Variants in BEST2 observed in about 807,000 individuals in gnomAD.
The protein encoded by BEST2 is bestrophin 2, also known as bestrophin-2a.
In BEST2, 36 loss-of-function variants were observed where a neutral mutation model predicts 49.0. That is an observed-to-expected ratio of 0.73 (90% CI 0.56 to 0.97). BEST2 has a LOEUF of 0.97. Among genes scored for constraint, BEST2 ranks in the 50% least tolerant of loss-of-function variants. The pLI is 0.00. For synonymous variants in BEST2, 335 were observed against 304.4 expected (o/e 1.10, Z -1.05); for missense variants, 672 against 710.0 (o/e 0.95, Z 0.61).
intron 2 of BEST2, among the ~76,000 whole-genome samples, chr19:12,752,974 G>A (rs1568352030): frequency 6.6e-6 from 1 of 151,514 alleles, no homozygotes; most frequent in Non-Finnish European, 1.5e-5. Flanking sequence ...TCAGCCTCCC[G>A]AGTAGCTGGG....
chr19:12,757,390 C>CTGTT (rs1284315833), intron 9 of BEST2, among the ~76,000 whole-genome samples: 1 of 152,094 alleles, frequency 6.6e-6, no homozygotes, highest in Non-Finnish European at 1.5e-5. Flanking sequence ...CCAGCCTGGG[C>CTGTT]AACAGAGCGA....
chr19:12,757,183 G>A (rs961287793), intron 9 of BEST2, among the ~76,000 whole-genome samples: 5 of 151,920 alleles, frequency 3.3e-5, no homozygotes, highest in African/African-American at 1.2e-4. Context: ...CTCACGCCAA[G>A]GTGGGCAGAT....
Position 12,755,854 on chromosome 19 carries a change from G to C in BEST2, c.868-1G>C, listed in dbSNP as rs748833584. On this transcript the variant is annotated splice_acceptor_variant, in intron 7 of 9. Coordinates refer to ENST00000553030, the MANE Select transcript of BEST2 (RefSeq NM_017682.3). LOFTEE classifies it high-confidence loss of function. The surrounding 1 kb of genome is among the most constrained non-coding windows in gnomAD (Gnocchi z 4.4). ...CACCTAACTGCTCCCTCTCCTCTCA[G>C]GTAGCTGAGCAGCTCATCAACCCCT... 1 of 1,614,044 alleles carries C rather than the reference G, an allele frequency of 6.2e-7. No individual in the cohort carries two copies. The highest frequency in any genetic ancestry group is 1.7e-5 in the Admixed American group (1 of 59,998).
rs775382558 is a variant in BEST2 at position 12,754,850 on chromosome 19, G to A, written c.482-27G>A. The A allele has an allele frequency of 2.5e-6, 4 of 1,602,192 alleles. No homozygotes were observed. In the Admixed American group the frequency reaches 6.9e-5, roughly 28 times the overall value. ...GACCAGGTGGAGGGGGGCAAGGGGCGAGCTATCCCTGACCCCTTTCCTCCA... is the reference window on the plus strand; with the variant it reads ...GACCAGGTGGAGGGGGGCAAGGGGCAAGCTATCCCTGACCCCTTTCCTCCA... On this transcript the variant is annotated intron_variant, in intron 4 of 9. Coordinates refer to ENST00000553030, the MANE Select transcript of BEST2 (RefSeq NM_017682.3).
intron 9 of BEST2, 52 bp downstream of exon 9, chr19:12,756,347 G>C (rs757632073): frequency 2.2e-5 from 35 of 1,589,622 alleles, no homozygotes; most frequent in Middle Eastern, 1.7e-4. Context: ...ATGGCTCTGC[G>C]GGGCACATCT....
chr19:12,757,719 G>T lies in BEST2; in HGVS notation c.1172G>T (p.Gly391Val). 6.5e-7 allele frequency: 1 copy of T among 1,545,248 alleles called. No individual in the cohort carries two copies. The stretch of plus-strand genomic sequence containing the variant: ...GATGGACCGATGGGAGAGGCGCCCG[G>T]CGACTTCCTGCAGCGCCTCCTGCCG... ...GLDGPMGEAP[G>V]DFLQRLLPAG... Residue 391 changes from glycine to valine, a missense_variant, in exon 10 of 10, where the codon GGC (glycine) becomes GTC (valine). Physicochemically the swap from Gly to Val is moderately radical, Grantham distance 109. Transcript: ENST00000553030.
chr19:12,752,944 G>A (rs933013107), intron 2 of BEST2, among the ~76,000 whole-genome samples, 200 bp downstream of exon 2: 1 of 148,904 alleles, frequency 6.7e-6, no homozygotes, highest in African/African-American at 2.5e-5. Flanking sequence ...TGCCTCCCGG[G>A]TTCAAGCGAT....
chr19:12,758,197 G>C lies in BEST2; in HGVS notation c.*120G>C. ...TAAAGTCCACCTACACTTTTGACCAGCTCTCGCTGCCCGCATGTGTTTGGC... is the reference window on the plus strand; with the variant it reads ...TAAAGTCCACCTACACTTTTGACCACCTCTCGCTGCCCGCATGTGTTTGGC... On this transcript the variant is annotated 3_prime_UTR_variant, in exon 10 of 10. Coordinates refer to ENST00000553030, the MANE Select transcript of BEST2 (RefSeq NM_017682.3). 1 of 1,227,778 alleles carries C rather than the reference G, an allele frequency of 8.1e-7. No individual in the cohort carries two copies. The highest frequency in any genetic ancestry group is 1.1e-6 in the Non-Finnish European group (1 of 887,128). 76.1% of individuals were successfully genotyped at this position (1,227,778 alleles called of 1,614,324 possible). A position where few individuals can be genotyped will look rare whatever the true frequency, so the allele number is the denominator to read the frequency against.
Position 12,758,208 on chromosome 19 carries a change from C to A in BEST2, c.*131C>A, listed in dbSNP as rs974551790. 1 of 1,166,972 alleles carries A rather than the reference C, an allele frequency of 8.6e-7. No individual in the cohort carries two copies. Among genetic ancestry groups the A allele is most frequent in the African/African-American group, 1.6e-5 (1 of 64,272 alleles). The allele number at this position is 1,166,972 out of a possible 1,614,324, so 72.3% of individuals were successfully genotyped here. A position where few individuals can be genotyped will look rare whatever the true frequency, so the allele number is the denominator to read the frequency against. On this transcript the variant is annotated 3_prime_UTR_variant, in exon 10 of 10. Coordinates refer to ENST00000553030, the MANE Select transcript of BEST2 (RefSeq NM_017682.3). ...TACACTTTTGACCAGCTCTCGCTGC[C>A]CGCATGTGTTTGGCGCTGTGCTAGG...
At chr19:12,753,795 T>C (rs1275004322) in intron 3 of BEST2, among the ~76,000 whole-genome samples, 1 of 152,148 alleles carries the variant, frequency 6.6e-6, no homozygotes, top group Non-Finnish European at 1.5e-5. Flanking sequence ...GGCTCCCTGA[T>C]GTAGACCCTG....
intron 2 of BEST2, 61 bp from the exon 3 acceptor site, chr19:12,753,199 G>A: frequency 6.4e-7 from 1 of 1,556,012 alleles, no homozygotes; most frequent in Non-Finnish European, 8.9e-7. Flanking sequence ...CAGCAAGAGA[G>A]ATCTGAAGCT....
At chr19:12,757,175 C>A (rs1187201748) in intron 9 of BEST2, among the ~76,000 whole-genome samples, 2 of 150,840 alleles carry the variant, frequency 1.3e-5, no homozygotes, top group African/African-American at 4.9e-5. Context: ...TGCGGTGGCT[C>A]ACGCCAAGGT....
At chr19:12,752,926 T>G (rs1967888646) in intron 2 of BEST2, among the ~76,000 whole-genome samples, 182 bp downstream of exon 2, 1 of 151,774 alleles carries the variant, frequency 6.6e-6, no homozygotes, top group African/African-American at 2.4e-5. Flanking sequence ...TTCTCTTACT[T>G]CCACCTCTGC....
In BEST2 at chr19:12,754,797, G is replaced by A. The variant is rs1198907181; in HGVS notation, c.481+12G>A. ...CGTGGTGGAGGCTGGTGAGTACTCG[G>A]CCAGAGGCAGGGCAGAGACCGGGCA... is the stretch of plus-strand genomic sequence containing the variant. On this transcript the variant is annotated intron_variant, in intron 4 of 9. Coordinates refer to ENST00000553030, the MANE Select transcript of BEST2 (RefSeq NM_017682.3). The A allele has an allele frequency of 3.2e-6, 5 of 1,578,410 alleles. No individual in the cohort carries two copies. Among genetic ancestry groups the A allele is most frequent in the Non-Finnish European group, 4.3e-6 (5 of 1,161,560 alleles).
Position 12,755,137 on chromosome 19 carries a change from C to T in BEST2, c.636+106C>T. ...GCACCCCCACGAGGCCGATTTCAAA[C>T]ACCCTCACCAGGTGCACTCTTACCT... On this transcript the variant is annotated intron_variant, in intron 5 of 9. Transcript: ENST00000553030. This position sits in a 1 kb window ranked among gnomAD's most constrained non-coding sequence, Gnocchi z 4.4. The T allele has an allele frequency of 2.2e-6, 3 of 1,366,824 alleles. No individual in the cohort carries two copies. The highest frequency in any genetic ancestry group is 2.9e-6 in the Non-Finnish European group (3 of 1,019,850). The allele number at this position is 1,366,824 out of a possible 1,614,324, so 84.7% of individuals were successfully genotyped here. A position where few individuals can be genotyped will look rare whatever the true frequency, so the allele number is the denominator to read the frequency against.
chr19:12,756,117 T>C, intron 8 of BEST2, 24 bp from the exon 9 acceptor site: 2 of 1,614,064 alleles, frequency 1.2e-6, no homozygotes, highest in Non-Finnish European at 1.7e-6. Context: ...GCCCCCACTT[T>C]ACCCTGTGTG....
Position 12,755,348 on chromosome 19 carries a change from A to G in BEST2, c.637-31A>G. The G allele has an allele frequency of 1.2e-6, 2 of 1,607,092 alleles. No homozygotes were observed. Among genetic ancestry groups the G allele is most frequent in the Non-Finnish European group, 1.7e-6 (2 of 1,173,662 alleles). On this transcript the variant is annotated intron_variant, in intron 5 of 9. Transcript: ENST00000553030. The surrounding 1 kb of genome is among the most constrained non-coding windows in gnomAD (Gnocchi z 4.4). ...ATATCCCTGTGTGAGCTCACCATTC[A>G]GGCCTCCTCATGACCTGTATCCACC...
In BEST2 at chr19:12,755,126, C is replaced by A. The variant is rs1967924728; in HGVS notation, c.636+95C>A. Reference sequence around the variant, plus strand: ...CGGCCCTCCAAGCACCCCCACGAGGCCGATTTCAAACACCCTCACCAGGTG... The same window carrying A: ...CGGCCCTCCAAGCACCCCCACGAGGACGATTTCAAACACCCTCACCAGGTG... On this transcript the variant is annotated intron_variant, in intron 5 of 9. Coordinates refer to ENST00000553030, the MANE Select transcript of BEST2 (RefSeq NM_017682.3). The surrounding 1 kb of genome is among the most constrained non-coding windows in gnomAD (Gnocchi z 4.4). The A allele has an allele frequency of 7.0e-7, 1 of 1,431,696 alleles. No homozygotes were observed. The allele number at this position is 1,431,696 out of a possible 1,614,324, so 88.7% of individuals were successfully genotyped here.
In BEST2 at chr19:12,756,229, C is replaced by T. The variant is rs1349200958; in HGVS notation, c.1037C>T (p.Pro346Leu). 6.2e-7 allele frequency: 1 copy of T among 1,614,088 alleles called. No individual in the cohort carries two copies. The highest frequency in any genetic ancestry group is 1.3e-5 in the African/African-American group (1 of 74,944). ...LYWDAAEARAPYTAATVFQLR... is the reference protein window; with the variant it reads ...LYWDAAEARALYTAATVFQLR... ...TGGGATGCAGCCGAGGCTCGCGCCC[C>T]ATACACAGCGGCTACTGTCTTCCAG... Residue 346 changes from proline to leucine, a missense_variant, in exon 9 of 10, where the codon CCA (proline) becomes CTA (leucine). Coordinates refer to ENST00000553030, the MANE Select transcript of BEST2 (RefSeq NM_017682.3).
Sources: gnomAD v4.1 joint callset for allele counts (sites outside exome capture counted in the v4.1 genomes callset) on GRCh38, gnomAD v4.1.1 for gene constraint, Gnocchi (gnomAD v3.1) non-coding constraint, MANE v1.5 for transcripts, NCBI Gene and HGNC (gene_info 2026-07-23, HGNC 2026-07-21) for gene names.